The following JAM3 variants were observed in gnomAD, a reference collection of about 807,000 sequenced individuals.
JAM3 encodes the protein junctional adhesion molecule 3, also known as junctional adhesion molecule C.
In JAM3, 31 loss-of-function variants were observed where a neutral mutation model predicts 39.4. That is an observed-to-expected ratio of 0.79 (90% CI 0.59 to 1.06). The LOEUF (loss-of-function observed/expected upper bound fraction) is 1.06. Ranked by LOEUF, JAM3 falls within the 50% of genes least tolerant of loss-of-function variation. JAM3 has a pLI of 0.00. For missense variants in JAM3, 455 were observed against 391.4 expected (o/e 1.16, Z -1.37); for synonymous variants, 182 against 148.7 (o/e 1.22, Z -1.63).
intron 1 of JAM3, 95 bp from the exon 2 acceptor site, chr11:134,139,756 A>G (rs1942940518): frequency 3.2e-6 from 3 of 929,602 alleles, no homozygotes; most frequent in Non-Finnish European, 5.4e-6. Flanking sequence ...GTTAGTAACC[A>G]TAGCCTACGC....
At position 134,148,639 on chromosome 11, in the gene JAM3, C is replaced by A; in HGVS notation, c.805C>A (p.Arg269Ser). The part of the protein sequence containing the change: ...ITLGICCAYR[R>S]GYFINNKQDG... ...GTTGGGCATCTGCTGTGCATACAGACGTGGCTACTTCATCAACAATAAACA... is the reference window on the plus strand; with the variant it reads ...GTTGGGCATCTGCTGTGCATACAGAAGTGGCTACTTCATCAACAATAAACA... Residue 269 changes from arginine (R) to serine (S), a missense_variant, in exon 7 of 9, where the codon CGT becomes AGT. By Grantham distance (110) the Arg-to-Ser change is moderately radical. Coordinates refer to ENST00000299106, the MANE Select transcript of JAM3 (RefSeq NM_032801.5). The A allele has an allele frequency of 6.2e-7, 1 of 1,614,120 alleles. No individual in the cohort carries two copies. Among genetic ancestry groups the A allele is most frequent in the Non-Finnish European group, 8.5e-7 (1 of 1,180,020 alleles).
chr11:134,097,549 G>A (rs1480464941), intron 1 of JAM3, among the ~76,000 whole-genome samples: 2 of 152,118 alleles, frequency 1.3e-5, no homozygotes, highest in African/African-American at 2.4e-5. Context: ...TACTGGGTTT[G>A]AGGAGCAGGC....
intron 1 of JAM3, among the ~76,000 whole-genome samples, chr11:134,089,184 A>G (rs2120626623): frequency 6.6e-6 from 1 of 152,252 alleles, no homozygotes; most frequent in African/African-American, 2.4e-5. Context: ...TTCTTTCTTT[A>G]TATACTTTCC....
intron 1 of JAM3, among the ~76,000 whole-genome samples, chr11:134,077,131 G>A (rs113302426): frequency 8.1e-4 from 123 of 152,000 alleles, no homozygotes; most frequent in South Asian, 1.0e-3. Flanking sequence ...CACTGCACCC[G>A]GCCTGTTTTT....
At chr11:134,075,981 C>T (rs1011773789) in intron 1 of JAM3, among the ~76,000 whole-genome samples, 5 of 151,956 alleles carry the variant, frequency 3.3e-5, no homozygotes, top group African/African-American at 1.2e-4. Flanking sequence ...TTTTGTTTTA[C>T]AGCTAACTTT....
intron 1 of JAM3, among the ~76,000 whole-genome samples, chr11:134,077,433 G>A (rs1349244240): frequency 4.0e-5 from 6 of 148,856 alleles, no homozygotes; most frequent in Non-Finnish European, 5.9e-5. Context: ...GCGTGATCTC[G>A]GCTCACTGCA....
At chr11:134,081,664 C>T (rs1222369304) in intron 1 of JAM3, among the ~76,000 whole-genome samples, 1 of 152,242 alleles carries the variant, frequency 6.6e-6, no homozygotes, top group African/African-American at 2.4e-5. Flanking sequence ...AGGGGTGGGG[C>T]TCTCATAGAG....
chr11:134,089,300 C>T lies in JAM3; in HGVS notation c.76+20141C>T, dbSNP rs74824594. Among the ~76,000 whole-genome samples, 1,222 of 151,964 alleles carry T rather than the reference C, an allele frequency of 8.0e-3. 14 individuals are homozygous for T. The highest frequency in any genetic ancestry group is 0.029 in the African/African-American group (1,183 of 41,450). On this transcript the variant is annotated intron_variant, in intron 1 of 8. Transcript: ENST00000299106. ...ATATCTGATGTTTCATTATCATATCCTAGGTTTTCTTTTTCTTTTTTTTAT... is the reference window on the plus strand; with the variant it reads ...ATATCTGATGTTTCATTATCATATCTTAGGTTTTCTTTTTCTTTTTTTTAT...
At chr11:134,117,047 A>G (rs2120754080) in intron 1 of JAM3, among the ~76,000 whole-genome samples, 1 of 151,860 alleles carries the variant, frequency 6.6e-6, no homozygotes, top group Non-Finnish European at 1.5e-5. Context: ...ACAACCAGGC[A>G]TGAAAAAGAA....
chr11:134,111,697 G>A (rs933667096), intron 1 of JAM3, among the ~76,000 whole-genome samples: 2 of 152,078 alleles, frequency 1.3e-5, no homozygotes, highest in African/African-American at 4.8e-5. Context: ...CAGGAAAATG[G>A]TTAAAATCAC....
At chr11:134,129,113 C>T (rs555199029) in intron 1 of JAM3, among the ~76,000 whole-genome samples, 2 of 143,876 alleles carry the variant, frequency 1.4e-5, no homozygotes, top group East Asian at 4.2e-4. Flanking sequence ...CCTGGTATCT[C>T]TTCAAGTTCT....
intron 1 of JAM3, among the ~76,000 whole-genome samples, chr11:134,077,948 G>A (rs372533223): frequency 1.4e-4 from 21 of 151,904 alleles, no homozygotes; most frequent in Admixed American, 6.6e-4. Flanking sequence ...CACCGCGCCC[G>A]GCCAAGGATG....
intron 1 of JAM3, among the ~76,000 whole-genome samples, chr11:134,130,284 A>G (rs1367289441): frequency 2.6e-5 from 4 of 152,214 alleles, no homozygotes; most frequent in East Asian, 1.9e-4. Flanking sequence ...AACTCAGTCT[A>G]TGTTTGGATT....
At chr11:134,080,298 T>C (rs1941643529) in intron 1 of JAM3, among the ~76,000 whole-genome samples, 1 of 152,224 alleles carries the variant, frequency 6.6e-6, no homozygotes, top group Non-Finnish European at 1.5e-5. Context: ...TGGGGTAACG[T>C]CAGTGAAATA....
intron 1 of JAM3, among the ~76,000 whole-genome samples, chr11:134,111,858 C>G (rs192724734): frequency 7.6e-4 from 115 of 152,172 alleles, no homozygotes; most frequent in African/African-American, 2.7e-3. Context: ...TAATAAGATA[C>G]CTACACATCA....
In JAM3 at chr11:134,069,134, C is replaced by T. The variant is rs776211992; in HGVS notation, c.51C>T (p.Asp17=). Residue 17 remains aspartate, a synonymous_variant, in exon 1 of 9, where the codon GAC becomes GAT. Transcript: ENST00000299106. ...TCCGGCTCTGCGCTCGGCTGCCTGA[C>T]TTCTTCCTGCTGCTGCTTTTCAGGG... is the stretch of plus-strand genomic sequence containing the variant. The part of the protein sequence containing the change: ...PRLRLCARLP[D]FFLLLLFRGC... 1 of 1,612,990 alleles carries T rather than the reference C, an allele frequency of 6.2e-7. No individual in the cohort carries two copies. Among genetic ancestry groups the T allele is most frequent in the South Asian group, 1.1e-5 (1 of 91,036 alleles).
Position 134,146,061 on chromosome 11 carries a change from G to A in JAM3, c.712+16G>A, listed in dbSNP as rs376942013. ...ATGGAAGTCTGTGAGTTTCTTTTTT[G>A]AAGAGGTTTCATCGCAAGACTGGGA... On this transcript the variant is annotated intron_variant, in intron 6 of 8. Transcript: ENST00000299106. 6.4e-7 allele frequency: 1 copy of A among 1,555,172 alleles called. No individual in the cohort carries two copies. Among genetic ancestry groups the A allele is most frequent in the African/African-American group, 1.4e-5 (1 of 73,844 alleles).
intron 1 of JAM3, among the ~76,000 whole-genome samples, chr11:134,088,256 AT>A (rs1341727853): frequency 2.0e-5 from 3 of 152,232 alleles, no homozygotes; most frequent in Non-Finnish European, 4.4e-5. Context: ...CAAAACAAAA[AT>A]TGACAAATTC....
intron 1 of JAM3, among the ~76,000 whole-genome samples, chr11:134,108,678 T>G (rs906737659): frequency 6.6e-6 from 1 of 152,186 alleles, no homozygotes; most frequent in Non-Finnish European, 1.5e-5. Context: ...TTCATTATAA[T>G]AACGCAATAT....
Sources: gnomAD v4.1 joint callset for allele counts (sites outside exome capture counted in the v4.1 genomes callset) on GRCh38, gnomAD v4.1.1 for gene constraint, MANE v1.5 for transcripts, NCBI Gene and HGNC (gene_info 2026-07-23, HGNC 2026-07-21) for gene names.